The following LCT variants were observed in gnomAD, a reference collection of about 807,000 sequenced individuals.
The protein encoded by LCT is lactase/phlorizin hydrolase.
In LCT, 90 loss-of-function variants were observed where a neutral mutation model predicts 173.0. The observed-to-expected ratio is 0.52, with a 90% CI of 0.44 to 0.62. The LOEUF (loss-of-function observed/expected upper bound fraction) is 0.62. Ranked by LOEUF, LCT falls within the 20% of genes least tolerant of loss-of-function variation. The pLI is 0.00. For synonymous variants in LCT, 853 were observed against 957.6 expected, an observed-to-expected ratio of 0.89 and a Z score of 2.02; for missense variants, 1,864 against 2,431.4, an observed-to-expected ratio of 0.77 and a Z score of 4.91.
rs1466522783 is a variant in LCT at position 135,788,551 on chromosome 2, G to A, written c.5564-7C>T. On this transcript the variant is annotated splice_region_variant and splice_polypyrimidine_tract_variant and intron_variant, in intron 16 of 16. Transcript: ENST00000264162. ...CTGATGGTGGGTCCAGCATCTAGGA[G>A]AGTGTGACACAGGGTGGTTGGTGCT... The A allele has an allele frequency of 2.6e-6, 4 of 1,567,348 alleles. No individual in the cohort carries two copies. The highest frequency in any genetic ancestry group is 3.5e-6 in the Non-Finnish European group (4 of 1,138,118).
chr2:135,802,676 A>C (rs537997681), intron 11 of LCT, among the ~76,000 whole-genome samples: 1 of 152,342 alleles, frequency 6.6e-6, no homozygotes, highest in South Asian at 2.1e-4. Context: ...TCCTAGCAGC[A>C]GAGAATAGAA....
chr2:135,833,211 G>A lies in LCT; in HGVS notation c.641-21C>T, dbSNP rs76095950. On this transcript the variant is annotated intron_variant, in intron 1 of 16. Coordinates refer to ENST00000264162, the MANE Select transcript of LCT (RefSeq NM_002299.4). ...TCCGCCTGAAACCAACCAGAGACACGAACAGCAGGTGAGCGAGGGCAGGAG... is the reference window on the plus strand; with the variant it reads ...TCCGCCTGAAACCAACCAGAGACACAAACAGCAGGTGAGCGAGGGCAGGAG... 4.5e-3 allele frequency: 7,140 copies of A among 1,592,090 alleles called. 273 individuals are homozygous for A. The African/African-American group carries it at 0.085, about 19-fold the overall frequency.
rs1248859140 is a variant in LCT at position 135,787,952 on chromosome 2, TTTC to T, written c.*369_*371del. 13 of 302,144 alleles carry T rather than the reference TTTC, an allele frequency of 4.3e-5. No homozygotes were observed. The highest frequency in any genetic ancestry group is 1.3e-4 in the African/African-American group (6 of 46,338). 18.7% of individuals were successfully genotyped at this position (302,144 alleles called of 1,614,324 possible). Reference sequence around the variant, plus strand: ...ATTGCAGTCTATGCAATGGAGTTGATTTCTTCTTATAGGAAGGATTTTTACGGT... The same window carrying T: ...ATTGCAGTCTATGCAATGGAGTTGATTTCTTATAGGAAGGATTTTTACGGT... On this transcript the variant is annotated 3_prime_UTR_variant, in exon 17 of 17. Coordinates refer to ENST00000264162, the MANE Select transcript of LCT (RefSeq NM_002299.4).
In LCT at chr2:135,804,956, G is replaced by A. The variant is rs79686438; in HGVS notation, c.4275C>T (p.Ala1425=). The change falls in exon 10 of 17, where the codon GCC becomes GCT. Residue 1425 remains alanine (A), a synonymous_variant. Coordinates refer to ENST00000264162, the MANE Select transcript of LCT (RefSeq NM_002299.4). The stretch of plus-strand genomic sequence containing the variant: ...CAGCAATCTTGTGATAACTGTCACA[G>A]GCCACGTCTCCAATGGCATCGTTCT... The part of the protein sequence containing the change: ...RVENDAIGDV[A]CDSYHKIAED... 3.7e-6 allele frequency: 6 copies of A among 1,614,178 alleles called. No homozygotes were observed. Among genetic ancestry groups the A allele is most frequent in the Non-Finnish European group, 5.1e-6 (6 of 1,180,014 alleles).
chr2:135,828,418 G>T (rs1431217862), intron 3 of LCT, among the ~76,000 whole-genome samples: 1 of 152,136 alleles, frequency 6.6e-6, no homozygotes, highest in Non-Finnish European at 1.5e-5. Context: ...GTAGGGGGCT[G>T]CTCTGCCTCC....
At chr2:135,806,068 C>T (rs1051447562) in intron 9 of LCT, among the ~76,000 whole-genome samples, 7 of 152,108 alleles carry the variant, frequency 4.6e-5, no homozygotes, top group African/African-American at 1.7e-4. Context: ...CATGTAATCC[C>T]AGCTAATGGG....
At chr2:135,834,659 G>A (rs865975257) in intron 1 of LCT, among the ~76,000 whole-genome samples, 1 of 150,198 alleles carries the variant, frequency 6.7e-6, no homozygotes, top group Non-Finnish European at 1.5e-5. Flanking sequence ...GTGGTGGTGC[G>A]TGCCTGTAAT....
intron 12 of LCT, 63 bp from the exon 13 acceptor site, chr2:135,798,201 G>A (rs1245233629): frequency 1.0e-5 from 9 of 881,460 alleles, no homozygotes; most frequent in Admixed American, 6.8e-5. Context: ...AGACAGCATC[G>A]TCCCCGCTCA....
intron 5 of LCT, among the ~76,000 whole-genome samples, chr2:135,819,273 A>T (rs1356518789): frequency 2.0e-5 from 3 of 151,888 alleles, no homozygotes; most frequent in Non-Finnish European, 4.4e-5. Context: ...ATTCTAGTCC[A>T]TTTTCCTCCC....
intron 6 of LCT, 136 bp from the exon 7 acceptor site, chr2:135,813,092 A>G: frequency 1.3e-6 from 1 of 788,598 alleles, no homozygotes; most frequent in Middle Eastern, 3.2e-4. Flanking sequence ...CATTGTCAAT[A>G]TTGACAACAT....
chr2:135,836,860 T>G lies in LCT; in HGVS notation c.310A>C (p.Asn104His), dbSNP rs762613548. The change falls in exon 1 of 17, where the codon AAT (asparagine) becomes CAT (histidine). Residue 104 changes from asparagine (N) to histidine (H), a missense_variant. Asn to His is a moderately conservative substitution (Grantham distance 68). This residue lies in a region of LCT where 412 missense variants were observed against 462.0 expected (regional missense o/e 0.89). Transcript: ENST00000264162. ...CACTGCACTGTTTTCTCGTCTGGAT[T>G]CTGGGTGCTTCCTGCTGGGAGGAGC... is the stretch of plus-strand genomic sequence containing the variant. ...AQLLPAGSTQ[N>H]PDEKTVQCYR... The G allele has an allele frequency of 1.9e-6, 3 of 1,614,158 alleles. No individual in the cohort carries two copies. The highest frequency in any genetic ancestry group is 2.5e-6 in the Non-Finnish European group (3 of 1,180,022).
At chr2:135,820,525 A>C (rs1355488863) in intron 5 of LCT, 5 of 152,372 alleles carry the variant, frequency 3.3e-5, no homozygotes, top group Admixed American at 1.3e-4. Flanking sequence ...GATTGAGAGG[A>C]TGGAACAATA....
rs377228457 is a variant in LCT, at chr2:135,837,149, T to C, written c.21A>G (p.Val7=). MELSWH[V]VFIALLSFSC... The stretch of plus-strand genomic sequence containing the variant: ...AAAAACTTAGCAGGGCAATAAAGAC[T>C]ACATGCCAAGACAGCTCCATTTTCT... Residue 7 remains valine, a synonymous_variant, in exon 1 of 17, where the codon GTA becomes GTG. Coordinates refer to ENST00000264162, the MANE Select transcript of LCT (RefSeq NM_002299.4). 2.5e-5 allele frequency: 40 copies of C among 1,613,624 alleles called. No individual in the cohort carries two copies. In the African/African-American group the frequency reaches 2.7e-4, roughly 11 times the overall value.
Position 135,804,879 on chromosome 2 carries a change from A to T in LCT, c.4352T>A (p.Ile1451Asn), listed in dbSNP as rs1558735826. Residue 1451 changes from isoleucine to asparagine, a missense_variant, in exon 10 of 17, where the codon ATC (isoleucine) becomes AAC (asparagine). By Grantham distance (149) the Ile-to-Asn change is moderately radical. Around this residue, in one of 4 missense-constraint regions of LCT, gnomAD observed 514 missense variants for 750.1 expected, o/e 0.69. Transcript: ENST00000264162. The part of the protein sequence containing the change: ...NLGVSHYRFS[I>N]SWSRILPDGT... ...ATCAGGGAGGATGCGAGACCAGGAG[A>T]TGGAAAAACGGTAGTGGGACACGCC... The T allele has an allele frequency of 1.2e-6, 2 of 1,614,020 alleles. No homozygotes were observed.
rs1440859691 is a variant in LCT, at chr2:135,817,615, T to C, written c.1433A>G (p.Asn478Ser). The change falls in exon 6 of 17, where the codon AAC becomes AGC. Residue 478 changes from asparagine (N) to serine (S), a missense_variant. Around this residue, in one of 4 missense-constraint regions of LCT, gnomAD observed 183 missense variants for 293.1 expected, o/e 0.62. Transcript: ENST00000264162. ...SPSLPGVAYY[N>S]KLIDRLQDAG... The stretch of plus-strand genomic sequence containing the variant: ...ATCCTGTAGCCTGTCAATCAGCTTG[T>C]TGTAGTAGGCAACGCCTGGGAGGCT... 17 of 1,613,918 alleles carry C rather than the reference T, an allele frequency of 1.1e-5. No individual in the cohort carries two copies. The highest frequency in any genetic ancestry group is 1.4e-5 in the Non-Finnish European group (17 of 1,180,004).
In LCT at chr2:135,808,955, G is replaced by T; in HGVS notation, c.3392C>A (p.Pro1131His). ...SLSLSTHWAE[P>H]KSPGVPRDVE... is the part of the protein sequence containing the mutation. ...ATCTCTGGGGACCCCTGGTGACTTG[G>T]GCTCTGCCCAGTGTGTACTGAGGCT... The change falls in exon 8 of 17, where the codon CCC becomes CAC. Residue 1131 changes from proline to histidine, a missense_variant. By Grantham distance (77) the Pro-to-His change is moderately conservative. Around this residue, in one of 4 missense-constraint regions of LCT, gnomAD observed 755 missense variants for 926.3 expected, o/e 0.82. Coordinates refer to ENST00000264162, the MANE Select transcript of LCT (RefSeq NM_002299.4). 1 of 1,613,970 alleles carries T rather than the reference G, an allele frequency of 6.2e-7. No homozygotes were observed. Among genetic ancestry groups the T allele is most frequent in the Non-Finnish European group, 8.5e-7 (1 of 1,179,876 alleles).
At position 135,790,843 on chromosome 2, in the gene LCT, G is replaced by C. The variant is rs1380037273; in HGVS notation, c.5150C>G (p.Ser1717Cys). The change falls in exon 15 of 17, where the codon TCT becomes TGT. Residue 1717 changes from serine (S) to cysteine (C), a missense_variant. This residue lies in a region of LCT where 514 missense variants were observed against 750.1 expected (regional missense o/e 0.69). Coordinates refer to ENST00000264162, the MANE Select transcript of LCT (RefSeq NM_002299.4). This position sits in a 1 kb window ranked among gnomAD's most constrained non-coding sequence, Gnocchi z 4.1. ...ASIADRSWPDSGSFWLKMTPF... is the reference protein window; with the variant it reads ...ASIADRSWPDCGSFWLKMTPF... ...CGTCATCTTCAGCCAGAAGGAGCCA[G>C]AGTCTGGCCACGAGCGATCTGCGAT... 6.2e-7 allele frequency: 1 copy of C among 1,614,062 alleles called. No homozygotes were observed. The highest frequency in any genetic ancestry group is 8.5e-7 in the Non-Finnish European group (1 of 1,180,028).
intron 5 of LCT, among the ~76,000 whole-genome samples, chr2:135,819,645 A>G (rs2077811455): frequency 1.3e-5 from 2 of 152,184 alleles, no homozygotes; most frequent in Admixed American, 6.5e-5. Flanking sequence ...TTCACTCAGC[A>G]TCAACTCCCT....
chr2:135,809,360 C>A lies in LCT; in HGVS notation c.2987G>T (p.Gly996Val). 1 of 1,614,184 alleles carries A rather than the reference C, an allele frequency of 6.2e-7. No homozygotes were observed. Among genetic ancestry groups the A allele is most frequent in the Non-Finnish European group, 8.5e-7 (1 of 1,180,016 alleles). ...GATCAGCCTGTTGTAATAATCAACC[C>A]CATGACTGTTGATAGAGCTGTTTCT... is the stretch of plus-strand genomic sequence containing the variant. Reference protein sequence around the residue: ...TGRNSSINSHGVDYYNRLING... With the variant: ...TGRNSSINSHVVDYYNRLING... Residue 996 changes from glycine to valine, a missense_variant, in exon 8 of 17, where the codon GGG becomes GTG. Coordinates refer to ENST00000264162, the MANE Select transcript of LCT (RefSeq NM_002299.4). This position sits in a 1 kb window ranked among gnomAD's most constrained non-coding sequence, Gnocchi z 5.5.
Sources: allele counts gnomAD v4.1 joint callset (sites outside exome capture counted in the v4.1 genomes callset), GRCh38; gene constraint gnomAD v4.1.1; regional missense constraint gnomAD v4.1.1; non-coding constraint Gnocchi (gnomAD v3.1); transcripts MANE v1.5; gene names NCBI Gene and HGNC (gene_info 2026-07-23, HGNC 2026-07-21).